Variants in KCNN3 observed in about 807,000 individuals in gnomAD.
The protein encoded by KCNN3 is small conductance calcium-activated potassium channel protein 3.
Under a neutral mutation model 62.9 loss-of-function variants are expected in KCNN3, and 16 were observed. The ratio of observed to expected loss-of-function variants is 0.25; its 90% confidence interval spans 0.17 to 0.39. KCNN3 has a LOEUF of 0.39. Ranked by LOEUF, KCNN3 falls within the 10% of genes least tolerant of loss-of-function variation. KCNN3 has a pLI of 1.00. For missense variants in KCNN3, 599 were observed against 949.4 expected (o/e 0.63, Z 4.85); for synonymous variants, 370 against 389.2 (o/e 0.95, Z 0.58).
At position 154,700,020 on chromosome 1, in the gene KCNN3, A is replaced by G. The variant is rs938126564; in HGVS notation, c.*7956T>C. On this transcript the variant is annotated 3_prime_UTR_variant, in exon 8 of 8. Transcript: ENST00000271915. The stretch of plus-strand genomic sequence containing the variant: ...GTTTGATGTAGACCATCCAAGTTAT[A>G]TAACCTCAAGTGGAATTTAAAGATG... The G allele has an allele frequency of 1.6e-4, 25 of 152,248 alleles. No individual in the cohort carries two copies. Among genetic ancestry groups the G allele is most frequent in the Non-Finnish European group, 3.4e-4 (23 of 68,048 alleles). 9.4% of individuals were successfully genotyped at this position (152,248 alleles called of 1,614,324 possible). A position where few individuals can be genotyped will look rare whatever the true frequency, so the allele number is the denominator to read the frequency against.
chr1:154,707,838 A>G lies in KCNN3; in HGVS notation c.*138T>C. On this transcript the variant is annotated 3_prime_UTR_variant, in exon 8 of 8. Transcript: ENST00000271915. Reference sequence around the variant, plus strand: ...ATGTCGGACCAAGCACGCTGAATGAACATGAGTTAGTTAATTAGCTCGGTC... The same window carrying G: ...ATGTCGGACCAAGCACGCTGAATGAGCATGAGTTAGTTAATTAGCTCGGTC... 1 of 978,218 alleles carries G rather than the reference A, an allele frequency of 1.0e-6. No individual in the cohort carries two copies. Among genetic ancestry groups the G allele is most frequent in the Non-Finnish European group, 1.5e-6 (1 of 649,028 alleles). The allele number at this position is 978,218 out of a possible 1,614,324, so 60.6% of individuals were successfully genotyped here. A position where few individuals can be genotyped will look rare whatever the true frequency, so the allele number is the denominator to read the frequency against.
chr1:154,814,506 C>T (rs970480602), intron 2 of KCNN3, among the ~76,000 whole-genome samples: 1 of 152,172 alleles, frequency 6.6e-6, no homozygotes, highest in Non-Finnish European at 1.5e-5. Flanking sequence ...AGAAGGGGCA[C>T]CCTGGGGTCA....
At position 154,708,152 on chromosome 1, in the gene KCNN3, G is replaced by T. The variant is rs1283136274; in HGVS notation, c.2020C>A (p.Pro674Thr). 6.2e-7 allele frequency: 1 copy of T among 1,613,702 alleles called. No individual in the cohort carries two copies. The highest frequency in any genetic ancestry group is 1.7e-5 in the Admixed American group (1 of 60,024). ...EHLTASFNSL[P>T]LLIADTLRQQ... ...CGCAGGGTGTCGGCGATGAGCAGCG[G>T]CAGGGAGTTGAAGCTGGCGGTGAGA... The change falls in exon 8 of 8, where the codon CCG (proline) becomes ACG (threonine). Residue 674 changes from proline to threonine, a missense_variant. This residue lies in a region of KCNN3 where 288 missense variants were observed against 557.4 expected (regional missense o/e 0.52). Transcript: ENST00000271915.
chr1:154,845,012 C>CA (rs60719320), intron 1 of KCNN3, among the ~76,000 whole-genome samples: 137,816 of 150,376 alleles, frequency 0.92, 64,394 homozygotes, highest in Non-Finnish European at 1. Flanking sequence ...TCTCAAAAAA[C>CA]AAAAAAAAGA....
intron 1 of KCNN3, among the ~76,000 whole-genome samples, chr1:154,839,110 G>A (rs1335993706): frequency 6.6e-6 from 1 of 152,214 alleles, no homozygotes; most frequent in Non-Finnish European, 1.5e-5. Context: ...CAGTTGTGGT[G>A]CTGACACAGG....
At chr1:154,842,586 G>C (rs563063289) in intron 1 of KCNN3, among the ~76,000 whole-genome samples, 1 of 151,754 alleles carries the variant, frequency 6.6e-6, no homozygotes, top group East Asian at 1.9e-4. Flanking sequence ...GCTTCCCTAA[G>C]TGCCAGACAG....
At chr1:154,826,163 A>G (rs953003432) in intron 1 of KCNN3, among the ~76,000 whole-genome samples, 1 of 152,192 alleles carries the variant, frequency 6.6e-6, no homozygotes, top group Non-Finnish European at 1.5e-5. Context: ...ATTAAGTGAT[A>G]AACTCAGACC....
intron 1 of KCNN3, chr1:154,868,039 G>A: frequency 1.0e-6 from 1 of 985,444 alleles, no homozygotes; most frequent in Non-Finnish European, 1.2e-6. Context: ...CCAGCTCCCC[G>A]CTAAAGCCAG....
intron 1 of KCNN3, among the ~76,000 whole-genome samples, chr1:154,826,447 G>A (rs893476324): frequency 6.6e-6 from 1 of 151,480 alleles, no homozygotes; most frequent in Non-Finnish European, 1.5e-5. Flanking sequence ...TCAGAAGTTA[G>A]GTAACTTGTC....
At chr1:154,832,876 CA>C (rs1651429445) in intron 1 of KCNN3, among the ~76,000 whole-genome samples, 2 of 152,202 alleles carry the variant, frequency 1.3e-5, no homozygotes, top group South Asian at 4.1e-4. Context: ...AACAGATTCC[CA>C]GATTCTCTGC....
chr1:154,743,710 A>G (rs1700876569), intron 3 of KCNN3, among the ~76,000 whole-genome samples: 1 of 152,220 alleles, frequency 6.6e-6, no homozygotes, highest in East Asian at 1.9e-4. Flanking sequence ...CCAGGTGATC[A>G]TGAGTACTCT....
chr1:154,733,441 T>G (rs1700642745), intron 3 of KCNN3, among the ~76,000 whole-genome samples: 1 of 152,186 alleles, frequency 6.6e-6, no homozygotes, highest in Admixed American at 6.5e-5. Context: ...TAAGATAGCT[T>G]TGGATGAAAT....
chr1:154,748,960 C>A (rs1700997933), intron 3 of KCNN3, among the ~76,000 whole-genome samples: 1 of 152,134 alleles, frequency 6.6e-6, no homozygotes, highest in Admixed American at 6.5e-5. Context: ...CTTGGACTTG[C>A]CTGCATCCAC....
chr1:154,836,860 C>T (rs760631284), intron 1 of KCNN3, among the ~76,000 whole-genome samples: 5 of 152,186 alleles, frequency 3.3e-5, no homozygotes, highest in Non-Finnish European at 7.3e-5. Context: ...CTCTCTGCTC[C>T]ATCACCTCAC....
At chr1:154,715,682 A>C (rs1000366385) in intron 5 of KCNN3, among the ~76,000 whole-genome samples, 5 of 151,320 alleles carry the variant, frequency 3.3e-5, no homozygotes, top group Non-Finnish European at 7.4e-5. Context: ...TGCTATATTT[A>C]GACAGGCTGC....
At chr1:154,799,865 CTT>C (rs929896141) in intron 2 of KCNN3, among the ~76,000 whole-genome samples, 46 of 152,332 alleles carry the variant, frequency 3.0e-4, no homozygotes, top group African/African-American at 1.0e-3. Context: ...ATGAAACTGA[CTT>C]TGTGCTGGGG....
chr1:154,716,850 G>A (rs1264425688), intron 5 of KCNN3, among the ~76,000 whole-genome samples: 6 of 152,124 alleles, frequency 3.9e-5, no homozygotes, highest in South Asian at 4.1e-4. Flanking sequence ...CAAAAAAGGC[G>A]GCACGGAAGG....
chr1:154,764,269 AT>A (rs1346636260), intron 3 of KCNN3, among the ~76,000 whole-genome samples: 1 of 151,186 alleles, frequency 6.6e-6, no homozygotes, highest in Non-Finnish European at 1.5e-5. Flanking sequence ...TGCTTCCTTT[AT>A]TTTTTCTGTC....
chr1:154,766,419 TA>T lies in KCNN3; in HGVS notation c.1448+5555del, dbSNP rs1648282888. On this transcript the variant is annotated intron_variant, in intron 3 of 7. Coordinates refer to ENST00000271915, the MANE Select transcript of KCNN3 (RefSeq NM_002249.6). ...TTTATTAAATACTAGCCAGGCTTTA[TA>T]TATATATATATATATATATATATGT... 3.3e-4 allele frequency among the ~76,000 whole-genome samples: 28 copies of T among 85,438 alleles called. 3 individuals are homozygous for T. Among genetic ancestry groups the T allele is most frequent in the Admixed American group, 1.8e-3 (15 of 8,472 alleles). 56.1% of individuals were successfully genotyped at this position (85,438 alleles called of 152,430 possible).
Sources: gnomAD v4.1 joint callset for allele counts (sites outside exome capture counted in the v4.1 genomes callset) on GRCh38, gnomAD v4.1.1 for gene constraint, gnomAD v4.1.1 regional missense constraint, MANE v1.5 for transcripts, NCBI Gene and HGNC (gene_info 2026-07-23, HGNC 2026-07-21) for gene names.